The following HELQ variants were observed in gnomAD, a reference collection of about 807,000 sequenced individuals.
HELQ encodes the protein helicase, POLQ like, also known as helicase POLQ-like.
In HELQ, 77 loss-of-function variants were observed where a neutral mutation model predicts 111.6. That is an observed-to-expected ratio of 0.69 (90% CI 0.57 to 0.83). The LOEUF (loss-of-function observed/expected upper bound fraction) is 0.83, where lower values mean the gene tolerates loss of function less well. Ranked by LOEUF, HELQ falls within the 40% of genes least tolerant of loss-of-function variation. HELQ has a pLI of 0.00. For synonymous variants in HELQ, 438 were observed against 454.7 expected (o/e 0.96, Z 0.47); for missense variants, 1,200 against 1,288.5 (o/e 0.93, Z 1.05).
At position 83,437,052 on chromosome 4, in the gene HELQ, C is replaced by T; in HGVS notation, c.1854G>A (p.Lys618=). Reference sequence around the variant, plus strand: ...TGCCATTGCCAATATTCTTCAAGTTCTTAATCACCTCACATTTTTCTTTCT... The same window carrying T: ...TGCCATTGCCAATATTCTTCAAGTTTTTAATCACCTCACATTTTTCTTTCT... ...HKEKEKCEVI[K]NLKNIGNGNL... The change falls in exon 9 of 18, where the codon AAG becomes AAA. Residue 618 remains lysine (K), a synonymous_variant. Transcript: ENST00000295488. 1 of 1,613,628 alleles carries T rather than the reference C, an allele frequency of 6.2e-7. No homozygotes were observed. Among genetic ancestry groups the T allele is most frequent in the Non-Finnish European group, 8.5e-7 (1 of 1,179,720 alleles).
chr4:83,433,609 T>G (rs1578085848), intron 9 of HELQ, among the ~76,000 whole-genome samples: 1 of 136,450 alleles, frequency 7.3e-6, no homozygotes, highest in South Asian at 2.2e-4. Flanking sequence ...GAGCTTGCAG[T>G]GAGCGGAGAT....
chr4:83,421,817 G>A, intron 14 of HELQ, 81 bp from the exon 15 acceptor site: 1 of 1,058,882 alleles, frequency 9.4e-7, no homozygotes, highest in Non-Finnish European at 1.4e-6. Flanking sequence ...AAGGAAAACT[G>A]AAGTTGTATT....
At chr4:83,450,364 T>TA (rs985768793) in intron 2 of HELQ, among the ~76,000 whole-genome samples, 1,810 of 140,152 alleles carry the variant, frequency 0.013, 38 homozygotes, top group African/African-American at 0.043. Context: ...CCATCTCTAT[T>TA]AAAAAAAAAA....
In HELQ at chr4:83,431,694, T is replaced by A; in HGVS notation, c.2265A>T (p.Gln755His). 6.4e-7 allele frequency: 1 copy of A among 1,560,264 alleles called. No individual in the cohort carries two copies. The highest frequency in any genetic ancestry group is 8.7e-7 in the Non-Finnish European group (1 of 1,151,844). Reference protein sequence around the residue: ...HLVQEFTKGIQTLFLSLIGLK... With the variant: ...HLVQEFTKGIHTLFLSLIGLK... Reference sequence around the variant, plus strand: ...AACCAATCAAAGAGAGAAATAATGTTTGGATTCCCTTGGTGAATTCCTGAA... The same window carrying A: ...AACCAATCAAAGAGAGAAATAATGTATGGATTCCCTTGGTGAATTCCTGAA... Residue 755 changes from glutamine to histidine, a missense_variant, in exon 11 of 18, where the codon CAA becomes CAT. Gln to His is a conservative substitution (Grantham distance 24, BLOSUM62 0). Around this residue, in one of 3 missense-constraint regions of HELQ, gnomAD observed 585 missense variants for 665.3 expected, o/e 0.88. Coordinates refer to ENST00000295488, the MANE Select transcript of HELQ (RefSeq NM_133636.5).
chr4:83,413,429 C>T (rs546897639), intron 17 of HELQ, among the ~76,000 whole-genome samples: 1 of 152,058 alleles, frequency 6.6e-6, no homozygotes, highest in African/African-American at 2.4e-5. Context: ...GGAACAACAA[C>T]AACAAAAAAG....
intron 17 of HELQ, among the ~76,000 whole-genome samples, chr4:83,410,258 T>TA (rs1254544339): frequency 6.6e-6 from 1 of 152,036 alleles, no homozygotes; most frequent in African/African-American, 2.4e-5. Context: ...CCACTCCCCC[T>TA]AAAAAAATAT....
chr4:83,422,126 T>G (rs1719544159), intron 14 of HELQ, among the ~76,000 whole-genome samples: 1 of 151,798 alleles, frequency 6.6e-6, no homozygotes, highest in Non-Finnish European at 1.5e-5. Flanking sequence ...CTTGGGAGGC[T>G]GAGGGATCAC....
Position 83,416,790 on chromosome 4 carries a change from C to A in HELQ, c.3139G>T (p.Val1047Leu). ...HLANANPEVL[V>L]RTIDHLSRRQ... ...CTTGATAAATGATCAATTGTCCTTACGAGCACTTCAGGATTTGCATTAGCT... is the reference window on the plus strand; with the variant it reads ...CTTGATAAATGATCAATTGTCCTTAAGAGCACTTCAGGATTTGCATTAGCT... The change falls in exon 17 of 18, where the codon GTA becomes TTA. Residue 1047 changes from valine (V) to leucine (L), a missense_variant. Transcript: ENST00000295488. 1 of 1,613,902 alleles carries A rather than the reference C, an allele frequency of 6.2e-7. No individual in the cohort carries two copies. Among genetic ancestry groups the A allele is most frequent in the Non-Finnish European group, 8.5e-7 (1 of 1,179,846 alleles).
Position 83,441,490 on chromosome 4 carries a change from G to T in HELQ, c.1564-87C>A. On this transcript the variant is annotated intron_variant, in intron 6 of 17. Transcript: ENST00000295488. ...AATATTGTAAAATAGGTTAAGAAAG[G>T]ACAGCTATAAAAGAGTTTAGCTTTT... The T allele has an allele frequency of 7.9e-6, 5 of 636,508 alleles. No individual in the cohort carries two copies. In the East Asian group the frequency reaches 1.5e-4, roughly 20 times the overall value. 39.4% of individuals were successfully genotyped at this position (636,508 alleles called of 1,614,324 possible). A position where few individuals can be genotyped will look rare whatever the true frequency, so the allele number is the denominator to read the frequency against.
intron 6 of HELQ, among the ~76,000 whole-genome samples, chr4:83,442,956 G>C (rs13108023): frequency 0.37 from 56,349 of 151,930 alleles, 11,720 homozygotes; most frequent in East Asian, 0.67. Context: ...CACACTAGTA[G>C]TGCACACAAA....
chr4:83,450,879 T>G (rs1393962386), intron 2 of HELQ, among the ~76,000 whole-genome samples: 1 of 152,140 alleles, frequency 6.6e-6, no homozygotes, highest in African/African-American at 2.4e-5. Context: ...AGTGGGAGGA[T>G]TGCTTGAGCC....
chr4:83,420,536 A>C (rs966709209), intron 15 of HELQ, among the ~76,000 whole-genome samples: 1 of 151,988 alleles, frequency 6.6e-6, no homozygotes, highest in African/African-American at 2.4e-5. Flanking sequence ...TGTAATCCCA[A>C]CACTTTGCGA....
At chr4:83,428,936 T>C (rs1002380630) in intron 12 of HELQ, among the ~76,000 whole-genome samples, 8 of 152,158 alleles carry the variant, frequency 5.3e-5, no homozygotes, top group African/African-American at 1.9e-4. Context: ...ATACACCAAA[T>C]TGTTATTCTT....
chr4:83,434,123 C>T (rs1301215251), intron 9 of HELQ, among the ~76,000 whole-genome samples: 9 of 151,970 alleles, frequency 5.9e-5, no homozygotes, highest in Non-Finnish European at 4.4e-5. Flanking sequence ...GTCAATCTAG[C>T]ACTTCGGGAG....
intron 2 of HELQ, 68 bp from the exon 3 acceptor site, chr4:83,449,029 G>A: frequency 8.5e-7 from 1 of 1,181,124 alleles, no homozygotes; most frequent in Non-Finnish European, 1.2e-6. Context: ...AGTTTTCTAA[G>A]AAAAAAAATC....
chr4:83,423,782 G>A (rs572171190), intron 14 of HELQ, among the ~76,000 whole-genome samples: 1 of 152,114 alleles, frequency 6.6e-6, no homozygotes, highest in African/African-American at 2.4e-5. Context: ...ATGATGGCGG[G>A]CACCTGCAAT....
At chr4:83,433,061 T>TAA (rs35559864) in intron 9 of HELQ, among the ~76,000 whole-genome samples, 3 of 143,806 alleles carry the variant, frequency 2.1e-5, no homozygotes, top group Admixed American at 1.4e-4. Flanking sequence ...CCCCATCTCT[T>TAA]AAAAAAAAAA....
chr4:83,448,168 C>T (rs1019305902), intron 3 of HELQ, among the ~76,000 whole-genome samples: 1 of 152,080 alleles, frequency 6.6e-6, no homozygotes, highest in South Asian at 2.1e-4. Context: ...AGAGATTGTG[C>T]CACTGCACTC....
At chr4:83,433,152 A>G (rs1481241202) in intron 9 of HELQ, among the ~76,000 whole-genome samples, 1 of 152,178 alleles carries the variant, frequency 6.6e-6, no homozygotes, top group Non-Finnish European at 1.5e-5. Flanking sequence ...GAAAAAACCT[A>G]TTGTTTACCT....
Sources: allele counts gnomAD v4.1 joint callset (sites outside exome capture counted in the v4.1 genomes callset), GRCh38; gene constraint gnomAD v4.1.1; regional missense constraint gnomAD v4.1.1; transcripts MANE v1.5; gene names NCBI Gene and HGNC (gene_info 2026-07-23, HGNC 2026-07-21).